AUTS2: variants seen among roughly 807,000 people sequenced by gnomAD.
AUTS2 encodes activator of transcription and developmental regulator AUTS2.
AUTS2 carries 17 observed loss-of-function variants against 112.4 expected under a neutral mutation model. The observed-to-expected ratio is 0.15, with a 90% CI of 0.10 to 0.23. The LOEUF (loss-of-function observed/expected upper bound fraction) is 0.23, where lower values mean the gene tolerates loss of function less well. Ranked by LOEUF, AUTS2 falls within the 10% of genes least tolerant of loss-of-function variation. The pLI, the probability that AUTS2 is intolerant of heterozygous loss-of-function variation, is 1.00. For synonymous variants in AUTS2, 751 were observed against 702.7 expected (o/e 1.07, Z -1.09); for missense variants, 1,510 against 1,701.6 (o/e 0.89, Z 1.98).
At chr7:69,975,859 T>C (rs768454113) in intron 2 of AUTS2, among the ~76,000 whole-genome samples, 15 of 152,036 alleles carry the variant, frequency 9.9e-5, no homozygotes, top group African/African-American at 1.7e-4. Flanking sequence ...AGCTAATTTT[T>C]GTATTTTTAG....
chr7:70,590,122 T>TTG (rs55775984), intron 5 of AUTS2, among the ~76,000 whole-genome samples: 41,948 of 142,556 alleles, frequency 0.29, 6,535 homozygotes, highest in Non-Finnish European at 0.38. Context: ...GTTTTTGCAT[T>TTG]TGTGTGTGTG....
chr7:70,656,422 A>G (rs905629210), intron 5 of AUTS2, among the ~76,000 whole-genome samples: 4 of 151,896 alleles, frequency 2.6e-5, no homozygotes, highest in South Asian at 2.1e-4. Context: ...TTTTTTTAAT[A>G]TTATGTATAT....
rs115029697 is a variant in AUTS2, at chr7:70,076,032, C to A, written c.523-42100C>A. 7.5e-3 allele frequency among the ~76,000 whole-genome samples: 1,138 copies of A among 152,260 alleles called. 15 individuals carry two copies. Among genetic ancestry groups the A allele is most frequent in the African/African-American group, 0.026 (1,081 of 41,552 alleles). ...GTAAACAGATGGATGTGGATGTGTTCTAATAAAATAACTTAATTTATAAAA... is the reference window on the plus strand; with the variant it reads ...GTAAACAGATGGATGTGGATGTGTTATAATAAAATAACTTAATTTATAAAA... On this transcript the variant is annotated intron_variant, in intron 2 of 18. Coordinates refer to ENST00000342771, the MANE Select transcript of AUTS2 (RefSeq NM_015570.4).
chr7:69,746,327 G>A (rs1787495086), intron 1 of AUTS2, among the ~76,000 whole-genome samples: 1 of 152,130 alleles, frequency 6.6e-6, no homozygotes, highest in Non-Finnish European at 1.5e-5. Context: ...AACAAAACAG[G>A]CTCTGTGCTC....
chr7:69,996,195 C>T (rs530840328), intron 2 of AUTS2, among the ~76,000 whole-genome samples: 82 of 152,266 alleles, frequency 5.4e-4, no homozygotes, highest in African/African-American at 7.0e-4. Flanking sequence ...CAGTGCAGTT[C>T]GGAACCCTGG....
At chr7:70,419,946 A>T (rs1397610549) in intron 4 of AUTS2, among the ~76,000 whole-genome samples, 2 of 152,120 alleles carry the variant, frequency 1.3e-5, no homozygotes, top group Non-Finnish European at 2.9e-5. Flanking sequence ...GAAAGGAAGG[A>T]TGAGTCTCCA....
chr7:69,743,647 C>T (rs932763834), intron 1 of AUTS2, among the ~76,000 whole-genome samples: 1 of 152,178 alleles, frequency 6.6e-6, no homozygotes, highest in Non-Finnish European at 1.5e-5. Flanking sequence ...GTCATTCTTA[C>T]ATTTGGCCCC....
intron 5 of AUTS2, among the ~76,000 whole-genome samples, chr7:70,497,127 G>A (rs1427744765): frequency 1.1e-4 from 11 of 103,750 alleles, no homozygotes; most frequent in Non-Finnish European, 1.3e-4. Flanking sequence ...ACATGCACAC[G>A]TCACATCAGC....
At chr7:70,056,851 T>C (rs1454897823) in intron 2 of AUTS2, among the ~76,000 whole-genome samples, 18 of 152,176 alleles carry the variant, frequency 1.2e-4, no homozygotes, top group Admixed American at 1.2e-3. Flanking sequence ...TTGATTTTGA[T>C]GCATTTGGGA....
rs142744256 is a variant in AUTS2 at position 70,554,520 on chromosome 7, A to C, written c.690+118739A>C. On this transcript the variant is annotated intron_variant, in intron 5 of 18. Transcript: ENST00000342771. ...TTTATTAATAACCCCCAACCCACCC[A>C]AGTCCTCCAAATACCCTGCCATCCA... Among the ~76,000 whole-genome samples the C allele has an allele frequency of 3.3e-4, 49 of 150,214 alleles. 1 individual carries two copies. The East Asian group carries it at 9.2e-3, about 28-fold the overall frequency.
intron 3 of AUTS2, chr7:70,118,450 A>G: frequency 1.9e-6 from 1 of 531,388 alleles, no homozygotes; most frequent in South Asian, 4.7e-5. Flanking sequence ...ATGTATTTTG[A>G]CAAATCATTA....
Position 70,024,110 on chromosome 7 carries a change from C to T in AUTS2, c.523-94022C>T, listed in dbSNP as rs145265446. ...AGAAACAGATCAGAATACTTTTATACTACTGCCTGGCTTCTTGTTCCCCCA... is the reference window on the plus strand; with the variant it reads ...AGAAACAGATCAGAATACTTTTATATTACTGCCTGGCTTCTTGTTCCCCCA... On this transcript the variant is annotated intron_variant, in intron 2 of 18. Coordinates refer to ENST00000342771, the MANE Select transcript of AUTS2 (RefSeq NM_015570.4). 2.6e-3 allele frequency among the ~76,000 whole-genome samples: 401 copies of T among 152,300 alleles called. 2 individuals carry two copies. Among genetic ancestry groups the T allele is most frequent in the Middle Eastern group, 0.014 (4 of 294 alleles).
intron 2 of AUTS2, among the ~76,000 whole-genome samples, chr7:70,000,516 G>A (rs1799143356): frequency 6.6e-6 from 1 of 152,094 alleles, no homozygotes; most frequent in African/African-American, 2.4e-5. Flanking sequence ...ACACTTTTGT[G>A]GTCTTTAATA....
At chr7:69,955,190 C>G (rs1317870098) in intron 2 of AUTS2, among the ~76,000 whole-genome samples, 1 of 152,066 alleles carries the variant, frequency 6.6e-6, no homozygotes, top group African/African-American at 2.4e-5. Context: ...AGGGTGTGTT[C>G]AGAGGTGGTA....
At chr7:69,684,022 C>A (rs1796942322) in intron 1 of AUTS2, among the ~76,000 whole-genome samples, 1 of 152,254 alleles carries the variant, frequency 6.6e-6, no homozygotes, top group South Asian at 2.1e-4. Context: ...AATGAAGGGC[C>A]CAGATCAGGG....
At chr7:70,779,171 T>G (rs897761205) in intron 14 of AUTS2, among the ~76,000 whole-genome samples, 3 of 152,162 alleles carry the variant, frequency 2.0e-5, no homozygotes, top group African/African-American at 7.2e-5. Context: ...CAAAAGAATT[T>G]TATAGATTCA....
intron 4 of AUTS2, among the ~76,000 whole-genome samples, chr7:70,414,327 A>C (rs1794904208): frequency 3.3e-5 from 5 of 152,216 alleles, no homozygotes. Context: ...CATTTTAATC[A>C]AAGCACCAGC....
chr7:70,550,037 G>T (rs937258653), intron 5 of AUTS2, among the ~76,000 whole-genome samples: 64 of 152,312 alleles, frequency 4.2e-4, no homozygotes, highest in African/African-American at 1.5e-3. Context: ...GAACATAAAG[G>T]ATGCCAAAAA....
Position 69,690,144 on chromosome 7 carries a change from G to A in AUTS2, c.309+90182G>A, listed in dbSNP as rs565033767. Among the ~76,000 whole-genome samples, 14 of 152,294 alleles carry A rather than the reference G, an allele frequency of 9.2e-5. No individual in the cohort carries two copies. The South Asian group carries it at 2.5e-3, about 27-fold the overall frequency. ...GTATCCATAACTCCTAGAATAGCAT[G>A]TGCATGGCACATAGTAGGTACTCAG... On this transcript the variant is annotated intron_variant, in intron 1 of 18. Transcript: ENST00000342771.
Sources: allele counts gnomAD v4.1 joint callset (sites outside exome capture counted in the v4.1 genomes callset), GRCh38; gene constraint gnomAD v4.1.1; transcripts MANE v1.5; gene names NCBI Gene and HGNC (gene_info 2026-07-23, HGNC 2026-07-21).